HADHA: variants seen among roughly 807,000 people sequenced by gnomAD.
The protein encoded by HADHA is hydroxyacyl-CoA dehydrogenase trifunctional multienzyme complex subunit alpha.
HADHA carries 59 observed loss-of-function variants against 91.3 expected under a neutral mutation model. The observed-to-expected ratio is 0.65, with a 90% confidence interval of 0.52 to 0.80. HADHA has a LOEUF of 0.80. Among genes scored for constraint, HADHA ranks in the 30% least tolerant of loss-of-function variants. The pLI is 0.00. For synonymous variants in HADHA, 320 were observed against 338.9 expected (o/e 0.94, Z 0.61); for missense variants, 800 against 927.6 (o/e 0.86, Z 1.79).
In HADHA at chr2:26,214,463, C is replaced by T; in HGVS notation, c.898G>A (p.Ala300Thr). Residue 300 changes from alanine (A) to threonine (T), a missense_variant, in exon 9 of 20, where the codon GCA (alanine) becomes ACA (threonine). By Grantham distance (58) the Ala-to-Thr change is moderately conservative. Transcript: ENST00000380649. The surrounding 1 kb of genome is among the most constrained non-coding windows in gnomAD (Gnocchi z 4.1). ...VRKQTKGLYP[A>T]PLKIIDVVKT... Reference sequence around the variant, plus strand: ...CTCACATCAATTATTTTCAGAGGTGCAGGATAAAGGCCTTTAGTCTGCTTT... The same window carrying T: ...CTCACATCAATTATTTTCAGAGGTGTAGGATAAAGGCCTTTAGTCTGCTTT... The T allele has an allele frequency of 6.5e-7, 1 of 1,546,732 alleles. No homozygotes were observed. Among genetic ancestry groups the T allele is most frequent in the Admixed American group, 1.7e-5 (1 of 59,924 alleles).
chr2:26,238,826 A>T, intron 3 of HADHA, 108 bp downstream of exon 3: 2 of 799,196 alleles, frequency 2.5e-6, no homozygotes, highest in Non-Finnish European at 4.5e-6. Context: ...TTCATGTAAG[A>T]TTACTGCCAG....
In HADHA at chr2:26,198,215, T is replaced by C. The variant is rs574279076; in HGVS notation, c.1393-438A>G. Among the ~76,000 whole-genome samples the C allele has an allele frequency of 9.8e-4, 149 of 152,240 alleles. 1 individual carries two copies. Among genetic ancestry groups the C allele is most frequent in the African/African-American group, 3.4e-3 (142 of 41,524 alleles). ...GAACAAGCCAAAATGTGCATGCTTG[T>C]CTCATTTTATACAGTGTGTTACTAA... On this transcript the variant is annotated intron_variant, in intron 13 of 19. Transcript: ENST00000380649.
intron 7 of HADHA, among the ~76,000 whole-genome samples, chr2:26,228,221 C>T (rs1670530129): frequency 1.3e-5 from 2 of 151,898 alleles, no homozygotes; most frequent in South Asian, 4.2e-4. Context: ...ACCTCCACCT[C>T]CTGGGTTCAA....
intron 16 of HADHA, 23 bp downstream of exon 16, chr2:26,194,547 A>G: frequency 6.7e-7 from 1 of 1,489,360 alleles, no homozygotes; most frequent in Non-Finnish European, 9.4e-7. Flanking sequence ...GATGCCGCAA[A>G]CACTCTGGAG....
intron 3 of HADHA, among the ~76,000 whole-genome samples, chr2:26,238,414 T>C (rs1670813626): frequency 1.3e-5 from 2 of 152,222 alleles, no homozygotes; most frequent in South Asian, 4.1e-4. Flanking sequence ...TTACACACTT[T>C]ATTGAAGCTG....
rs1486123140 is a variant in HADHA at position 26,239,601 on chromosome 2, G to C, written c.68-458C>G. Among the ~76,000 whole-genome samples, 5 of 152,112 alleles carry C rather than the reference G, an allele frequency of 3.3e-5. No individual in the cohort carries two copies. The East Asian group carries it at 9.6e-4, about 29-fold the overall frequency. On this transcript the variant is annotated intron_variant, in intron 1 of 19. Transcript: ENST00000380649. ...GGAGTGGAATAGGGGAGGATCATCA[G>C]TAGGTTGCCAAGGCTCTTGCTGCCT...
At chr2:26,204,471 A>G (rs1669926410) in intron 11 of HADHA, among the ~76,000 whole-genome samples, 1 of 152,178 alleles carries the variant, frequency 6.6e-6, no homozygotes, top group Non-Finnish European at 1.5e-5. Flanking sequence ...AATCAAAACA[A>G]CCAGTTTACA....
chr2:26,193,417 C>A (rs928953452), intron 17 of HADHA, among the ~76,000 whole-genome samples, 160 bp downstream of exon 17: 1 of 151,410 alleles, frequency 6.6e-6, no homozygotes, highest in Non-Finnish European at 1.5e-5. Flanking sequence ...GTGGTTGCTA[C>A]CGCACCTGAC....
At chr2:26,213,618 G>A (rs115605996) in intron 9 of HADHA, among the ~76,000 whole-genome samples, 2,333 of 152,158 alleles carry the variant, frequency 0.015, 59 homozygotes, top group African/African-American at 0.051. Context: ...TTCAGGGTTG[G>A]GGTCAGATCC....
intron 5 of HADHA, among the ~76,000 whole-genome samples, chr2:26,233,412 T>A (rs1248983053): frequency 6.6e-6 from 1 of 152,276 alleles, no homozygotes; most frequent in Middle Eastern, 3.2e-3. Context: ...TGACTGCATA[T>A]GTGAAAGTGT....
At chr2:26,201,076 C>G (rs1171750340) in intron 13 of HADHA, 73 bp downstream of exon 13, 1 of 1,131,836 alleles carries the variant, frequency 8.8e-7, no homozygotes, top group East Asian at 2.4e-5. Flanking sequence ...TTTCCTATAG[C>G]TCCTTTAAAA....
chr2:26,239,746 A>G (rs1374391355), intron 1 of HADHA, among the ~76,000 whole-genome samples: 1 of 151,878 alleles, frequency 6.6e-6, no homozygotes, highest in African/African-American at 2.4e-5. Flanking sequence ...AAGAAAGAAA[A>G]CTGTGGTTAG....
intron 3 of HADHA, 110 bp from the exon 4 acceptor site, chr2:26,237,098 T>A: frequency 2.4e-6 from 2 of 844,600 alleles, no homozygotes; most frequent in East Asian, 2.4e-5. Context: ...CCGGCAGAAA[T>A]ATACTGTTAG....
intron 12 of HADHA, 113 bp from the exon 13 acceptor site, chr2:26,201,433 C>T: frequency 1.4e-6 from 1 of 712,758 alleles, no homozygotes; most frequent in Non-Finnish European, 2.4e-6. Context: ...GGTAGTTATT[C>T]TATTACTCCC....
intron 11 of HADHA, among the ~76,000 whole-genome samples, chr2:26,207,541 G>C (rs549031465): frequency 1.7e-4 from 26 of 152,166 alleles, no homozygotes; most frequent in African/African-American, 5.5e-4. Context: ...CAACAATGTA[G>C]AGTTAAATTA....
intron 12 of HADHA, among the ~76,000 whole-genome samples, chr2:26,203,113 T>A (rs535861062): frequency 6.6e-6 from 1 of 152,362 alleles, no homozygotes; most frequent in Non-Finnish European, 1.5e-5. Flanking sequence ...CTAGCACACA[T>A]CATTTTTTTG....
At chr2:26,232,642 T>G (rs768510522) in intron 5 of HADHA, among the ~76,000 whole-genome samples, 5 of 152,210 alleles carry the variant, frequency 3.3e-5, no homozygotes, top group Non-Finnish European at 7.3e-5. Flanking sequence ...CTTTTGCCTT[T>G]GCTCACACCA....
intron 7 of HADHA, among the ~76,000 whole-genome samples, chr2:26,219,421 C>T (rs536104418): frequency 3.3e-5 from 5 of 152,112 alleles, no homozygotes; most frequent in South Asian, 2.1e-4. Context: ...CCACTGTGCC[C>T]GGCCAATAAA....
Position 26,195,184 on chromosome 2 carries a change from C to A in HADHA, c.1528G>T (p.Glu510Ter), listed in dbSNP as rs137852769. ...FSPVDKMQLL[E>*]IITTEKTSKD... ...GAAGTTTTCTCGGTCGTGATAATCT[C>A]CAGCAGCTGCATCTTGTCCACGGGA... is the stretch of plus-strand genomic sequence containing the variant. Residue 510 changes from glutamate to a stop codon, truncating the protein, a stop_gained, in exon 15 of 20, where the codon GAG (glutamate) becomes TAG (stop). Coordinates refer to ENST00000380649, the MANE Select transcript of HADHA (RefSeq NM_000182.5). LOFTEE classifies it high-confidence loss of function. 1 of 1,612,212 alleles carries A rather than the reference C, an allele frequency of 6.2e-7. No homozygotes were observed. The highest frequency in any genetic ancestry group is 1.7e-5 in the Admixed American group (1 of 59,962).
Sources: allele counts gnomAD v4.1 joint callset (sites outside exome capture counted in the v4.1 genomes callset), GRCh38; gene constraint gnomAD v4.1.1; non-coding constraint Gnocchi (gnomAD v3.1); transcripts MANE v1.5; gene names NCBI Gene and HGNC (gene_info 2026-07-23, HGNC 2026-07-21).